ATE1: variants seen among roughly 807,000 people sequenced by gnomAD.
The protein encoded by ATE1 is arginyltransferase 1.
ATE1 carries 36 observed loss-of-function variants against 70.5 expected under a neutral mutation model. That is an observed-to-expected ratio of 0.51 (90% CI 0.39 to 0.67). ATE1 has a LOEUF of 0.67. ATE1 is among the 30% of genes least tolerant of loss of function. The pLI is 0.00. For synonymous variants in ATE1, 232 were observed against 219.3 expected, an observed-to-expected ratio of 1.06 and a Z score of -0.51; for missense variants, 593 against 629.5, an observed-to-expected ratio of 0.94 and a Z score of 0.62.
chr10:121,847,760 A>G (rs1282233328), intron 8 of ATE1, among the ~76,000 whole-genome samples: 2 of 128,390 alleles, frequency 1.6e-5, no homozygotes, highest in Non-Finnish European at 3.0e-5. Flanking sequence ...CTGTCTCAAA[A>G]AAAAAAAAAA....
At chr10:121,834,703 A>C (rs139165834) in intron 10 of ATE1, among the ~76,000 whole-genome samples, 16 of 152,270 alleles carry the variant, frequency 1.1e-4, no homozygotes, top group Admixed American at 5.9e-4. Context: ...CATTTCCACG[A>C]ATGGAAAAGA....
chr10:121,763,369 A>T (rs1009493534), intron 11 of ATE1, among the ~76,000 whole-genome samples: 6 of 152,246 alleles, frequency 3.9e-5, no homozygotes, highest in Non-Finnish European at 8.8e-5. Context: ...CATGTCCTTC[A>T]ATAGGTAAAC....
At chr10:121,820,997 A>C (rs183829906) in intron 10 of ATE1, among the ~76,000 whole-genome samples, 1 of 152,324 alleles carries the variant, frequency 6.6e-6, no homozygotes, top group East Asian at 1.9e-4. Flanking sequence ...GCTGGAGCGC[A>C]GTGGCGCAAT....
At chr10:121,855,986 G>C (rs968625428) in intron 8 of ATE1, among the ~76,000 whole-genome samples, 1 of 149,620 alleles carries the variant, frequency 6.7e-6, no homozygotes, top group African/African-American at 2.5e-5. Flanking sequence ...TGAGGCAGGA[G>C]AATCACTTGA....
intron 2 of ATE1, among the ~76,000 whole-genome samples, chr10:121,922,788 C>A (rs1449259184): frequency 6.6e-6 from 1 of 152,148 alleles, no homozygotes; most frequent in Non-Finnish European, 1.5e-5. Flanking sequence ...CTTGGGTATT[C>A]CACATGCACC....
intron 11 of ATE1, among the ~76,000 whole-genome samples, chr10:121,781,761 C>A (rs1283801644): frequency 1.3e-5 from 2 of 152,150 alleles, no homozygotes; most frequent in Non-Finnish European, 2.9e-5. Context: ...AACTTTAATT[C>A]TTTCCCTATT....
intron 7 of ATE1, among the ~76,000 whole-genome samples, chr10:121,883,025 T>A (rs1950272905): frequency 6.6e-6 from 1 of 152,146 alleles, no homozygotes; most frequent in Admixed American, 6.5e-5. Context: ...AAAAGGCACC[T>A]CCTAATGCTT....
At chr10:121,891,699 C>T (rs1453232692) in intron 7 of ATE1, among the ~76,000 whole-genome samples, 1 of 152,130 alleles carries the variant, frequency 6.6e-6, no homozygotes, top group Non-Finnish European at 1.5e-5. Flanking sequence ...CAAAAAATAA[C>T]CTATTTTTCA....
chr10:121,888,039 C>A (rs1427174137), intron 7 of ATE1, among the ~76,000 whole-genome samples: 1 of 152,096 alleles, frequency 6.6e-6, no homozygotes, highest in African/African-American at 2.4e-5. Flanking sequence ...GAAATATTAT[C>A]ATAATAAGGG....
chr10:121,922,621 G>T (rs926437143), intron 2 of ATE1, among the ~76,000 whole-genome samples: 2 of 152,112 alleles, frequency 1.3e-5, no homozygotes, highest in African/African-American at 2.4e-5. Context: ...AGCTTTACTT[G>T]TGTACCCCAC....
intron 9 of ATE1, among the ~76,000 whole-genome samples, chr10:121,837,087 A>T (rs184885171): frequency 3.3e-4 from 50 of 152,282 alleles, no homozygotes; most frequent in Middle Eastern, 6.8e-3. Flanking sequence ...AAGCAGCATA[A>T]AATTAAAGAG....
chr10:121,771,020 T>C (rs1945494542), intron 11 of ATE1, among the ~76,000 whole-genome samples: 1 of 152,046 alleles, frequency 6.6e-6, no homozygotes, highest in Non-Finnish European at 1.5e-5. Flanking sequence ...CCTCAAAAAA[T>C]GCCACAAAAA....
At chr10:121,756,628 C>A (rs1944813342) in intron 11 of ATE1, among the ~76,000 whole-genome samples, 1 of 152,204 alleles carries the variant, frequency 6.6e-6, no homozygotes. Context: ...TCTGTGCACC[C>A]ACAGGCTCAA....
intron 11 of ATE1, among the ~76,000 whole-genome samples, chr10:121,771,211 T>C (rs932412992): frequency 2.0e-5 from 3 of 152,134 alleles, no homozygotes; most frequent in Non-Finnish European, 2.9e-5. Flanking sequence ...GCTGGGATTA[T>C]AGGCGCCTGC....
At chr10:121,794,689 T>G (rs1336208740) in intron 10 of ATE1, among the ~76,000 whole-genome samples, 1 of 108,806 alleles carries the variant, frequency 9.2e-6, no homozygotes, top group East Asian at 2.7e-4. Flanking sequence ...AAAGAACATA[T>G]GTATCATCTC....
chr10:121,903,625 T>C (rs1951072205), intron 5 of ATE1, among the ~76,000 whole-genome samples: 1 of 152,038 alleles, frequency 6.6e-6, no homozygotes, highest in African/African-American at 2.4e-5. Flanking sequence ...AGGCAGAGGT[T>C]GTGCTGAGCT....
intron 10 of ATE1, among the ~76,000 whole-genome samples, chr10:121,827,163 G>A (rs868595173): frequency 3.3e-5 from 5 of 151,934 alleles, no homozygotes; most frequent in South Asian, 2.1e-4. Context: ...ACAGGTGTGC[G>A]CCACCATGGC....
At chr10:121,922,156 A>G (rs566812450) in intron 3 of ATE1, among the ~76,000 whole-genome samples, 193 bp downstream of exon 3, 3 of 152,324 alleles carry the variant, frequency 2.0e-5, no homozygotes, top group Admixed American at 6.5e-5. Context: ...CAATCAAACA[A>G]TATTACTAAA....
intron 11 of ATE1, among the ~76,000 whole-genome samples, chr10:121,748,155 C>T (rs779464514): frequency 2.5e-4 from 38 of 152,272 alleles, no homozygotes; most frequent in Admixed American, 8.5e-4. Flanking sequence ...CAGTTTAAAC[C>T]TTTATCCTAA....
Sources: allele counts gnomAD v4.1 joint callset (sites outside exome capture counted in the v4.1 genomes callset), GRCh38; gene constraint gnomAD v4.1.1; transcripts MANE v1.5; gene names NCBI Gene and HGNC (gene_info 2026-07-23, HGNC 2026-07-21).